The following PLS1 variants were observed in gnomAD, a reference collection of about 807,000 sequenced individuals.
PLS1 encodes the protein plastin 1.
Under a neutral mutation model 73.7 loss-of-function variants are expected in PLS1, and 32 were observed. The observed-to-expected ratio is 0.43, with a 90% CI of 0.33 to 0.58. PLS1 has a LOEUF of 0.58. Ranked by LOEUF, PLS1 falls within the 20% of genes least tolerant of loss-of-function variation. The pLI, the probability that PLS1 is intolerant of heterozygous loss-of-function variation, is 0.04. For missense variants in PLS1, 633 were observed against 740.5 expected (o/e 0.85, Z 1.68); for synonymous variants, 217 against 261.3 (o/e 0.83, Z 1.63).
intron 1 of PLS1, among the ~76,000 whole-genome samples, chr3:142,635,509 A>G (rs956433268): frequency 6.6e-6 from 1 of 151,908 alleles, no homozygotes; most frequent in Non-Finnish European, 1.5e-5. Flanking sequence ...AGGCTGAGGC[A>G]GAAGAATTGC....
chr3:142,649,656 T>C (rs538481766), intron 1 of PLS1, among the ~76,000 whole-genome samples: 20 of 149,486 alleles, frequency 1.3e-4, no homozygotes, highest in Admixed American at 1.3e-3. Context: ...AAAAAGTGAA[T>C]AGGAAGAATT....
At chr3:142,647,425 C>A (rs1171057826) in intron 1 of PLS1, among the ~76,000 whole-genome samples, 2 of 151,998 alleles carry the variant, frequency 1.3e-5, no homozygotes, top group Non-Finnish European at 2.9e-5. Context: ...TTGGGAAGAC[C>A]AGTAAGGTTT....
chr3:142,623,239 G>GT (rs1373626607), intron 1 of PLS1: 7 of 152,250 alleles, frequency 4.6e-5, no homozygotes, highest in African/African-American at 1.7e-4. Context: ...AATCTAAGGG[G>GT]TAAGGTGAAT....
intron 11 of PLS1, 101 bp from the exon 12 acceptor site, chr3:142,697,852 T>G (rs2038242786): frequency 1.6e-6 from 1 of 639,682 alleles, no homozygotes; most frequent in Non-Finnish European, 2.8e-6. Context: ...ATTAAATGAC[T>G]TATGTTCTTA....
chr3:142,628,060 A>T (rs889897565), intron 1 of PLS1, among the ~76,000 whole-genome samples: 1 of 152,238 alleles, frequency 6.6e-6, no homozygotes, highest in Non-Finnish European at 1.5e-5. Flanking sequence ...CAATGTCTAC[A>T]TAAAAGAAGC....
intron 7 of PLS1, 25 bp downstream of exon 7, chr3:142,684,196 G>C: frequency 6.2e-7 from 1 of 1,613,630 alleles, no homozygotes; most frequent in East Asian, 2.2e-5. Flanking sequence ...AATATTTGCT[G>C]TTCATTGACA....
At chr3:142,600,971 G>A (rs1442156922) in intron 1 of PLS1, among the ~76,000 whole-genome samples, 4 of 124,710 alleles carry the variant, frequency 3.2e-5, no homozygotes, top group Admixed American at 8.9e-5. Flanking sequence ...TGGCCCAGGC[G>A]GGAGTGCAGT....
At position 142,678,032 on chromosome 3, in the gene PLS1, C is replaced by T. The variant is rs756470880; in HGVS notation, c.498C>T (p.Cys166=). 4.0e-6 allele frequency: 6 copies of T among 1,481,944 alleles called. No homozygotes were observed. The African/African-American group carries it at 7.2e-5, about 18-fold the overall frequency. 91.8% of individuals were successfully genotyped at this position (1,481,944 alleles called of 1,614,324 possible). The change falls in exon 6 of 16, where the codon TGC becomes TGT. Residue 166 remains cysteine (C), a splice_region_variant and synonymous_variant. Coordinates refer to ENST00000457734, the MANE Select transcript of PLS1 (RefSeq NM_001145319.2). ...TAAATTATTCTCATTTTCTCTTTAG[C>T]AAAATGATCAACTTATCTGAACCAG... ...FKSLADGILL[C]KMINLSEPDT...
chr3:142,633,947 A>G (rs1165425780), intron 1 of PLS1, among the ~76,000 whole-genome samples: 1 of 152,228 alleles, frequency 6.6e-6, no homozygotes, highest in Non-Finnish European at 1.5e-5. Flanking sequence ...GCCATATTAC[A>G]TATGCTTAAG....
At chr3:142,710,923 A>G (rs1456770532) in intron 14 of PLS1, among the ~76,000 whole-genome samples, 1 of 152,098 alleles carries the variant, frequency 6.6e-6, no homozygotes, top group African/African-American at 2.4e-5. Context: ...TGGGTTCTGT[A>G]TTTACTGGTT....
chr3:142,645,056 G>A (rs2036924019), intron 1 of PLS1, among the ~76,000 whole-genome samples: 1 of 152,166 alleles, frequency 6.6e-6, no homozygotes, highest in Admixed American at 6.5e-5. Context: ...ATTCAGTGGT[G>A]GCATTCAGAC....
intron 1 of PLS1, among the ~76,000 whole-genome samples, chr3:142,658,507 A>G (rs2037292028): frequency 6.6e-6 from 1 of 151,210 alleles, no homozygotes; most frequent in Non-Finnish European, 1.5e-5. Flanking sequence ...TAACAGATTC[A>G]GCCCTACCCT....
chr3:142,614,592 A>G lies in PLS1; in HGVS notation c.-37+18083A>G, dbSNP rs1194170784. On this transcript the variant is annotated intron_variant, in intron 1 of 15. Coordinates refer to ENST00000457734, the MANE Select transcript of PLS1 (RefSeq NM_001145319.2). ...ATTTTTATATATTTGCTCCAAAATT[A>G]AAAAAAGAATCCAACACTCAATGAG... 6.6e-5 allele frequency among the ~76,000 whole-genome samples: 10 copies of G among 152,224 alleles called. No individual in the cohort carries two copies. In the East Asian group the frequency reaches 1.7e-3, roughly 26 times the overall value.
At chr3:142,607,829 A>T (rs1176990841) in intron 1 of PLS1, among the ~76,000 whole-genome samples, 1 of 151,584 alleles carries the variant, frequency 6.6e-6, no homozygotes, top group African/African-American at 2.4e-5. Context: ...GTTTTGAGGA[A>T]TAGCAATCAG....
intron 2 of PLS1, among the ~76,000 whole-genome samples, chr3:142,665,965 T>C (rs2037471547): frequency 1.3e-5 from 2 of 152,158 alleles, no homozygotes; most frequent in Non-Finnish European, 1.5e-5. Flanking sequence ...GCAGTAACAC[T>C]AGCAGAATAG....
chr3:142,694,304 G>A (rs2038147385), intron 10 of PLS1, among the ~76,000 whole-genome samples, 165 bp from the exon 11 acceptor site: 1 of 151,998 alleles, frequency 6.6e-6, no homozygotes, highest in Non-Finnish European at 1.5e-5. Flanking sequence ...GGAAAGAAGG[G>A]ACTTTGGCAT....
chr3:142,652,690 C>A (rs527350796), intron 1 of PLS1, among the ~76,000 whole-genome samples: 1 of 152,318 alleles, frequency 6.6e-6, no homozygotes, highest in South Asian at 2.1e-4. Context: ...GGTTTCAAAA[C>A]TGAATAGCAC....
intron 1 of PLS1, among the ~76,000 whole-genome samples, chr3:142,637,007 CA>C (rs1252093054): frequency 6.6e-6 from 1 of 152,146 alleles, no homozygotes. Context: ...AACTTGATAG[CA>C]TCTTAAAAAG....
intron 1 of PLS1, among the ~76,000 whole-genome samples, chr3:142,631,312 G>C (rs1034103585): frequency 6.6e-6 from 1 of 152,040 alleles, no homozygotes; most frequent in East Asian, 1.9e-4. Flanking sequence ...TCAGGAGTTG[G>C]AGATCAGTCT....
Sources: allele counts gnomAD v4.1 joint callset (sites outside exome capture counted in the v4.1 genomes callset), GRCh38; gene constraint gnomAD v4.1.1; transcripts MANE v1.5; gene names NCBI Gene and HGNC (gene_info 2026-07-23, HGNC 2026-07-21).